The following PLXNB2 variants were observed in gnomAD, a reference collection of about 807,000 sequenced individuals.
PLXNB2 encodes the protein plexin B2, also known as plexin-B2.
A neutral mutation model predicts 202.6 loss-of-function variants in PLXNB2; 85 were observed. The observed-to-expected ratio is 0.42, with a 90% CI of 0.35 to 0.50. The LOEUF (loss-of-function observed/expected upper bound fraction) is 0.50. PLXNB2 is among the 20% of genes least tolerant of loss of function. PLXNB2 has a pLI of 0.02. For synonymous variants in PLXNB2, 1,239 were observed against 1,137.6 expected (o/e 1.09, Z -1.79); for missense variants, 2,063 against 2,586.2 (o/e 0.80, Z 4.39).
Position 50,284,250 on chromosome 22 carries a change from C to T in PLXNB2, c.2182-37G>A. 2 of 1,591,876 alleles carry T rather than the reference C, an allele frequency of 1.3e-6. No homozygotes were observed. Among genetic ancestry groups the T allele is most frequent in the Non-Finnish European group, 1.7e-6 (2 of 1,161,256 alleles). On this transcript the variant is annotated intron_variant, in intron 12 of 36. Transcript: ENST00000359337. The surrounding 1 kb of genome is among the most constrained non-coding windows in gnomAD (Gnocchi z 8.0). ...GCAGGGGCACACTGCACTTCCTGCC[C>T]CCACAGAGGGGCGTGGGGCGGGGGT...
rs879445876 is a variant in PLXNB2, at chr22:50,299,445, G to A, written c.-73-4667C>T. On this transcript the variant is annotated intron_variant, in intron 1 of 36. Coordinates refer to ENST00000359337, the MANE Select transcript of PLXNB2 (RefSeq NM_012401.4). The stretch of plus-strand genomic sequence containing the variant: ...GTCACAGAAAAGCCACGGAGGCCCC[G>A]GAGGCCCCGCAGCCAGCAGCCAGGG... 1.1e-4 allele frequency among the ~76,000 whole-genome samples: 17 copies of A among 152,226 alleles called. 1 individual carries two copies. The highest frequency in any genetic ancestry group is 2.2e-4 in the Non-Finnish European group (15 of 68,014).
intron 28 of PLXNB2, 38 bp downstream of exon 28, chr22:50,278,817 G>A (rs2065790793): frequency 6.2e-7 from 1 of 1,600,422 alleles, no homozygotes; most frequent in African/African-American, 1.3e-5. Flanking sequence ...CCAGGCACAT[G>A]GGCGCCTGTG....
In PLXNB2 at chr22:50,275,739, C is replaced by T; in HGVS notation, c.5482G>A (p.Ala1828Thr). 1 of 1,611,244 alleles carries T rather than the reference C, an allele frequency of 6.2e-7. No individual in the cohort carries two copies. The highest frequency in any genetic ancestry group is 1.3e-5 in the African/African-American group (1 of 74,974). Residue 1828 changes from alanine to threonine, a missense_variant, in exon 37 of 37, where the codon GCC (alanine) becomes ACC (threonine). By Grantham distance (58) the Ala-to-Thr change is moderately conservative (BLOSUM62 0). Coordinates refer to ENST00000359337, the MANE Select transcript of PLXNB2 (RefSeq NM_012401.4). ...MQLAFRLQQI[A>T]AALENKVTDL ...GTGACCTTGTTCTCCAGTGCAGCGG[C>T]AATCTGCTGCAGGCGGAAGGCCAGC...
chr22:50,278,440 C>G lies in PLXNB2; in HGVS notation c.4727G>C (p.Gly1576Ala), dbSNP rs2065764729. 6.4e-7 allele frequency: 1 copy of G among 1,559,008 alleles called. No individual in the cohort carries two copies. The highest frequency in any genetic ancestry group is 1.4e-5 in the African/African-American group (1 of 73,438). ...GGCAACAGGGAGGGACTCACGCTCC[C>G]CAGGCAGGTCCTGCTGGCTGTCCTC... ...QPEDSQQDLP[G>A]ERHALLEEEN... Residue 1576 changes from glycine (G) to alanine (A), a missense_variant, in exon 30 of 37, where the codon GGG becomes GCG. Around this residue, in one of 2 missense-constraint regions of PLXNB2, gnomAD observed 760 missense variants for 1,109.4 expected, o/e 0.69. Transcript: ENST00000359337.
rs577027165 is a variant in PLXNB2, at chr22:50,289,807, G to T, written c.778C>A (p.Leu260Met). The change falls in exon 3 of 37, where the codon CTG (leucine) becomes ATG (methionine). Residue 260 changes from leucine to methionine, a missense_variant. Physicochemically the swap from Leu to Met is conservative, Grantham distance 15. Coordinates refer to ENST00000359337, the MANE Select transcript of PLXNB2 (RefSeq NM_012401.4). This position sits in a 1 kb window ranked among gnomAD's most constrained non-coding sequence, Gnocchi z 8.0. Reference sequence around the variant, plus strand: ...TCCCGGCACTGCAGGTCCATCTCCAGGTAGGAGTAGTAGTTGGGGTCTTCT... The same window carrying T: ...TCCCGGCACTGCAGGTCCATCTCCATGTAGGAGTAGTAGTTGGGGTCTTCT... ...CREDPNYYSY[L>M]EMDLQCRDPD... The T allele has an allele frequency of 1.6e-5, 26 of 1,613,214 alleles. 1 individual carries two copies. In the South Asian group the frequency reaches 2.9e-4, roughly 18 times the overall value.
At chr22:50,298,184 C>A (rs555510859) in intron 1 of PLXNB2, among the ~76,000 whole-genome samples, 2 of 152,358 alleles carry the variant, frequency 1.3e-5, no homozygotes, top group South Asian at 4.1e-4. Context: ...GCCCAGAAGA[C>A]CTGTCCCCGC....
Position 50,275,292 on chromosome 22 carries a change from G to A in PLXNB2, c.*412C>T. 2.3e-6 allele frequency: 1 copy of A among 431,712 alleles called. No homozygotes were observed. Among genetic ancestry groups the A allele is most frequent in the Non-Finnish European group, 4.6e-6 (1 of 216,234 alleles). The allele number at this position is 431,712 out of a possible 1,614,324, so 26.7% of individuals were successfully genotyped here. ...TCTCGTGGTGGACAGACAGACATAG[G>A]ATCTGGGAACTTGCCCTGGGGGCCA... On this transcript the variant is annotated 3_prime_UTR_variant, in exon 37 of 37. Coordinates refer to ENST00000359337, the MANE Select transcript of PLXNB2 (RefSeq NM_012401.4).
chr22:50,287,709 G>A lies in PLXNB2; in HGVS notation c.1566C>T (p.Thr522=), dbSNP rs747665243. Residue 522 remains threonine, a synonymous_variant, in exon 7 of 37, where the codon ACC becomes ACT. Transcript: ENST00000359337. ...GGCTCATGTTCTGTGGCTGGGCGCT[G>A]GTGACGGCCACGCAGGACTTGCTTC... ...WSRSKSCVAV[T]SAQPQNMSRR... 10 of 1,563,222 alleles carry A rather than the reference G, an allele frequency of 6.4e-6. No individual in the cohort carries two copies. In the South Asian group the frequency reaches 1.0e-4, roughly 16 times the overall value.
Position 50,288,865 on chromosome 22 carries a change from G to T in PLXNB2, c.1258C>A (p.Leu420Ile), listed in dbSNP as rs775174241. ...TSDGRILKVY[L>I]TPDGTSSEYD... is the part of the protein sequence containing the mutation. The stretch of plus-strand genomic sequence containing the variant: ...TCTGAGGAGGTGCCATCTGGGGTGA[G>T]GTACACCTGTGTGCGCGAGGGCAGG... The change falls in exon 5 of 37, where the codon CTC (leucine) becomes ATC (isoleucine). Residue 420 changes from leucine to isoleucine, a missense_variant. This residue lies in a region of PLXNB2 where 1,303 missense variants were observed against 1,476.8 expected (regional missense o/e 0.88). Transcript: ENST00000359337. The surrounding 1 kb of genome is among the most constrained non-coding windows in gnomAD (Gnocchi z 5.0). 2.5e-6 allele frequency: 4 copies of T among 1,613,278 alleles called. No homozygotes were observed. Among genetic ancestry groups the T allele is most frequent in the Non-Finnish European group, 3.4e-6 (4 of 1,179,968 alleles).
intron 24 of PLXNB2, 31 bp downstream of exon 24, chr22:50,280,713 T>TGGGC: frequency 6.4e-7 from 1 of 1,558,794 alleles, no homozygotes; most frequent in Non-Finnish European, 8.7e-7. Context: ...GCCACCTGTG[T>TGGGC]GCCCTCCCGC....
intron 28 of PLXNB2, 29 bp downstream of exon 28, chr22:50,278,826 T>C (rs1245452418): frequency 6.2e-7 from 1 of 1,603,824 alleles, no homozygotes; most frequent in Non-Finnish European, 8.5e-7. Flanking sequence ...TGGGCGCCTG[T>C]GTGCAGACGG....
chr22:50,280,464 C>T (rs187855623), intron 25 of PLXNB2, 25 bp downstream of exon 25: 317 of 1,577,700 alleles, frequency 2.0e-4, no homozygotes, highest in Non-Finnish European at 2.6e-4. Context: ...CCCGTGGCCC[C>T]GCTCGTGGCC....
chr22:50,286,415 C>A, intron 8 of PLXNB2, 128 bp from the exon 9 acceptor site: 2 of 646,788 alleles, frequency 3.1e-6, no homozygotes, highest in Non-Finnish European at 5.4e-6. Context: ...CCTGCCAGGA[C>A]GCCCCGCATT....
Position 50,288,617 on chromosome 22 carries a change from A to G in PLXNB2, c.1380+126T>C. 1 of 1,355,170 alleles carries G rather than the reference A, an allele frequency of 7.4e-7. No individual in the cohort carries two copies. Among genetic ancestry groups the G allele is most frequent in the Non-Finnish European group, 1.0e-6 (1 of 1,004,268 alleles). 83.9% of individuals were successfully genotyped at this position (1,355,170 alleles called of 1,614,324 possible). A position where few individuals can be genotyped will look rare whatever the true frequency, so the allele number is the denominator to read the frequency against. On this transcript the variant is annotated intron_variant, in intron 5 of 36. Transcript: ENST00000359337. The surrounding 1 kb of genome is among the most constrained non-coding windows in gnomAD (Gnocchi z 5.0). ...CACCCAGCCACCCCTCATCCAGACC[A>G]AGGAGAAGGGCCCAGCTCTGCAGCA...
intron 2 of PLXNB2, 108 bp from the exon 3 acceptor site, chr22:50,290,705 C>T: frequency 8.2e-7 from 1 of 1,217,110 alleles, no homozygotes. Context: ...AGGGTCACGC[C>T]ACTCCACGAA....
chr22:50,289,785 C>T lies in PLXNB2; in HGVS notation c.800G>A (p.Arg267Gln), dbSNP rs756079656. The T allele has an allele frequency of 5.6e-6, 9 of 1,612,926 alleles. No individual in the cohort carries two copies. Among genetic ancestry groups the T allele is most frequent in the Admixed American group, 5.0e-5 (3 of 60,012 alleles). The stretch of plus-strand genomic sequence containing the variant: ...GGCAGCGGCGTGGATGTCGGGGTCC[C>T]GGCACTGCAGGTCCATCTCCAGGTA... ...YSYLEMDLQC[R>Q]DPDIHAAAFG... Residue 267 changes from arginine (R) to glutamine (Q), a missense_variant, in exon 3 of 37, where the codon CGG becomes CAG. Transcript: ENST00000359337. This position sits in a 1 kb window ranked among gnomAD's most constrained non-coding sequence, Gnocchi z 8.0.
rs577027165 is a variant in PLXNB2 at position 50,289,807 on chromosome 22, G to A, written c.778C>T (p.Leu260=). The stretch of plus-strand genomic sequence containing the variant: ...TCCCGGCACTGCAGGTCCATCTCCA[G>A]GTAGGAGTAGTAGTTGGGGTCTTCT... The part of the protein sequence containing the change: ...CREDPNYYSY[L]EMDLQCRDPD... Residue 260 remains leucine (L), a synonymous_variant, in exon 3 of 37, where the codon CTG becomes TTG. Transcript: ENST00000359337. This position sits in a 1 kb window ranked among gnomAD's most constrained non-coding sequence, Gnocchi z 8.0. The A allele has an allele frequency of 3.7e-6, 6 of 1,613,096 alleles. No homozygotes were observed. In the African/African-American group the frequency reaches 8.0e-5, roughly 22 times the overall value.
intron 7 of PLXNB2, 85 bp from the exon 8 acceptor site, chr22:50,287,349 G>A (rs2066531183): frequency 7.2e-7 from 1 of 1,385,840 alleles, no homozygotes; most frequent in Admixed American, 2.8e-5. Flanking sequence ...CTGCGTGTGT[G>A]GGCGCACGTC....
intron 33 of PLXNB2, 109 bp downstream of exon 33, chr22:50,277,482 C>T: frequency 8.6e-7 from 1 of 1,163,570 alleles, no homozygotes; most frequent in Non-Finnish European, 1.2e-6. Context: ...TCAAGGGCTC[C>T]AGCCCAAGAT....
Sources: allele counts gnomAD v4.1 joint callset (sites outside exome capture counted in the v4.1 genomes callset), GRCh38; gene constraint gnomAD v4.1.1; regional missense constraint gnomAD v4.1.1; non-coding constraint Gnocchi (gnomAD v3.1); transcripts MANE v1.5; gene names NCBI Gene and HGNC (gene_info 2026-07-23, HGNC 2026-07-21).